Variants in SLC35F4 observed in about 807,000 individuals in gnomAD.
The protein encoded by SLC35F4 is chromosome 14 open reading frame 36.
In SLC35F4, 24 loss-of-function variants were observed where a neutral mutation model predicts 44.2. The ratio of observed to expected loss-of-function variants is 0.54; its 90% CI spans 0.39 to 0.76. SLC35F4 has a LOEUF of 0.76. SLC35F4 is among the 30% of genes least tolerant of loss of function. SLC35F4 has a pLI of 0.00. For synonymous variants in SLC35F4, 238 were observed against 223.6 expected, an observed-to-expected ratio of 1.06 and a Z score of -0.57; for missense variants, 562 against 586.1, an observed-to-expected ratio of 0.96 and a Z score of 0.42.
At chr14:57,795,981 C>T (rs2078045348) in intron 1 of SLC35F4, among the ~76,000 whole-genome samples, 1 of 152,078 alleles carries the variant, frequency 6.6e-6, no homozygotes, top group Non-Finnish European at 1.5e-5. Flanking sequence ...GCCTCAGTGT[C>T]ACTTGTTTCC....
At chr14:57,669,048 C>T (rs1443089878) in intron 1 of SLC35F4, among the ~76,000 whole-genome samples, 1 of 152,028 alleles carries the variant, frequency 6.6e-6, no homozygotes, top group Admixed American at 6.5e-5. Flanking sequence ...GCCTTTACAT[C>T]CCCTGTAAGT....
At chr14:57,837,044 G>A (rs1884998709) in intron 1 of SLC35F4, among the ~76,000 whole-genome samples, 1 of 152,146 alleles carries the variant, frequency 6.6e-6, no homozygotes, top group Non-Finnish European at 1.5e-5. Context: ...TTAGCTTGAA[G>A]GCTCTTCTCC....
chr14:57,626,330 AAACAT>A (rs1267400816), intron 1 of SLC35F4, among the ~76,000 whole-genome samples: 1 of 145,912 alleles, frequency 6.9e-6, no homozygotes, highest in Non-Finnish European at 1.5e-5. Flanking sequence ...TTTAAAAAGG[AAACAT>A]AACAATACTT....
chr14:57,730,759 G>A (rs1313931240), intron 1 of SLC35F4, among the ~76,000 whole-genome samples: 1 of 152,092 alleles, frequency 6.6e-6, no homozygotes, highest in African/African-American at 2.4e-5. Context: ...TGCTTCTGCA[G>A]CGACAGGTAC....
intron 1 of SLC35F4, among the ~76,000 whole-genome samples, chr14:57,881,117 C>T (rs751898874): frequency 2.6e-5 from 4 of 151,912 alleles, no homozygotes; most frequent in Non-Finnish European, 4.4e-5. Context: ...AGAGCCCATG[C>T]TGACTGCCTC....
At chr14:57,747,279 T>C (rs1319756946) in intron 1 of SLC35F4, among the ~76,000 whole-genome samples, 1 of 152,184 alleles carries the variant, frequency 6.6e-6, no homozygotes, top group Non-Finnish European at 1.5e-5. Context: ...CTGGGCTTCA[T>C]GCCATCAGGG....
At chr14:57,639,620 C>T (rs2073145832) in intron 1 of SLC35F4, among the ~76,000 whole-genome samples, 1 of 151,746 alleles carries the variant, frequency 6.6e-6, no homozygotes, top group African/African-American at 2.4e-5. Flanking sequence ...CAAAATAATT[C>T]CAGGATATTA....
At chr14:57,888,582 A>G (rs891093294) in intron 1 of SLC35F4, among the ~76,000 whole-genome samples, 1 of 152,316 alleles carries the variant, frequency 6.6e-6, no homozygotes, top group Middle Eastern at 3.4e-3. Context: ...AGTTGTTGCT[A>G]TTACGTTATT....
intron 1 of SLC35F4, among the ~76,000 whole-genome samples, chr14:57,705,954 G>A (rs908885438): frequency 6.6e-6 from 1 of 152,098 alleles, no homozygotes; most frequent in Non-Finnish European, 1.5e-5. Context: ...CAGGGTACAT[G>A]CCTAGTGCTC....
chr14:57,845,064 TA>T (rs550880293), intron 1 of SLC35F4, among the ~76,000 whole-genome samples: 246 of 152,266 alleles, frequency 1.6e-3, no homozygotes, highest in African/African-American at 5.7e-3. Flanking sequence ...GAGAAGGAAG[TA>T]AGCCCTTTAT....
chr14:57,778,309 G>T (rs1359619626), intron 1 of SLC35F4, among the ~76,000 whole-genome samples: 1 of 151,954 alleles, frequency 6.6e-6, no homozygotes, highest in Non-Finnish European at 1.5e-5. Flanking sequence ...CATGAGAATG[G>T]ACTAATACAG....
At chr14:57,724,831 G>C (rs2076164438) in intron 1 of SLC35F4, among the ~76,000 whole-genome samples, 1 of 152,200 alleles carries the variant, frequency 6.6e-6, no homozygotes. Context: ...AGCGATGAAA[G>C]GAAATCTTCC....
At chr14:57,838,150 A>C (rs1448132191) in intron 1 of SLC35F4, among the ~76,000 whole-genome samples, 2 of 152,208 alleles carry the variant, frequency 1.3e-5, no homozygotes, top group African/African-American at 4.8e-5. Context: ...AAGAGATACA[A>C]AGCAATGTTT....
At chr14:57,901,340 A>C (rs1227775483) in intron 1 of SLC35F4, among the ~76,000 whole-genome samples, 2 of 152,254 alleles carry the variant, frequency 1.3e-5, no homozygotes, top group Admixed American at 6.5e-5. Flanking sequence ...CTATGCAGCC[A>C]TAAAAAAGAA....
intron 1 of SLC35F4, among the ~76,000 whole-genome samples, chr14:57,626,553 C>A (rs940144274): frequency 5.3e-5 from 8 of 152,064 alleles, no homozygotes; most frequent in African/African-American, 1.9e-4. Flanking sequence ...TGTGTATGTG[C>A]ATATTACTGT....
At chr14:57,922,017 T>C (rs17093935) in intron 1 of SLC35F4, among the ~76,000 whole-genome samples, 24,785 of 152,146 alleles carry the variant, frequency 0.16, 2,304 homozygotes, top group East Asian at 0.41. Flanking sequence ...GCTAGCTTGA[T>C]GGCCAATGGA....
chr14:57,677,868 A>AC (rs1361191385), intron 1 of SLC35F4, among the ~76,000 whole-genome samples: 1 of 152,012 alleles, frequency 6.6e-6, no homozygotes, highest in African/African-American at 2.4e-5. Flanking sequence ...TTCACAAAAA[A>AC]AGAATATAAA....
chr14:57,597,737 G>A (rs915969894), intron 1 of SLC35F4, among the ~76,000 whole-genome samples: 1 of 152,180 alleles, frequency 6.6e-6, no homozygotes, highest in Non-Finnish European at 1.5e-5. Context: ...GGAAACCGTA[G>A]AAGCAAATAG....
At position 57,839,291 on chromosome 14, in the gene SLC35F4, C is replaced by T. The variant is rs74559146; in HGVS notation, c.103+26432G>A. 5.4e-3 allele frequency among the ~76,000 whole-genome samples: 825 copies of T among 152,276 alleles called. 9 individuals carry two copies. Among genetic ancestry groups the T allele is most frequent in the African/African-American group, 0.019 (790 of 41,544 alleles). On this transcript the variant is annotated intron_variant, in intron 1 of 7. Transcript: ENST00000556826. Reference sequence around the variant, plus strand: ...CTTCACTTCTTATCCTTCGGTTGCTCTTTATGTAATATTGATGGCAGTGAT... The same window carrying T: ...CTTCACTTCTTATCCTTCGGTTGCTTTTTATGTAATATTGATGGCAGTGAT...
Sources: gnomAD v4.1 joint callset for allele counts (sites outside exome capture counted in the v4.1 genomes callset) on GRCh38, gnomAD v4.1.1 for gene constraint, MANE v1.5 for transcripts, NCBI Gene and HGNC (gene_info 2026-07-23, HGNC 2026-07-21) for gene names.